UBLCP1: variants seen among roughly 807,000 people sequenced by gnomAD.
UBLCP1 encodes the protein ubiquitin-like domain-containing CTD phosphatase 1.
Under a neutral mutation model 42.4 loss-of-function variants are expected in UBLCP1, and 28 were observed. The observed-to-expected ratio is 0.66, with a 90% CI of 0.49 to 0.90. The LOEUF (loss-of-function observed/expected upper bound fraction) is 0.90. UBLCP1 is among the 40% of genes least tolerant of loss of function. The probability of loss-of-function intolerance (pLI) is 0.00; values close to 1 mark genes in which losing one functional copy is unlikely to be tolerated. For synonymous variants in UBLCP1, 122 were observed against 120.8 expected, an observed-to-expected ratio of 1.01 and a Z score of -0.07; for missense variants, 279 against 374.5, an observed-to-expected ratio of 0.75 and a Z score of 2.10.
intron 2 of UBLCP1, among the ~76,000 whole-genome samples, 177 bp from the exon 3 acceptor site, chr5:159,269,731 C>T (rs566374860): frequency 3.3e-5 from 5 of 152,256 alleles, no homozygotes; most frequent in African/African-American, 1.2e-4. Context: ...TTGACTTCTT[C>T]GTGTCTTAGA....
intron 1 of UBLCP1, among the ~76,000 whole-genome samples, chr5:159,266,281 G>T (rs982318389): frequency 3.9e-5 from 6 of 152,176 alleles, no homozygotes; most frequent in Admixed American, 2.6e-4. Flanking sequence ...TGGAGTAAAA[G>T]TGACTCTTGT....
In UBLCP1 at chr5:159,285,229, CACACACACACACACAAA is replaced by C. The variant is rs1300706487; in HGVS notation, c.*299_*315del. 64 of 262,380 alleles carry C rather than the reference CACACACACACACACAAA, an allele frequency of 2.4e-4. 1 individual carries two copies. The highest frequency in any genetic ancestry group is 2.1e-4 in the Non-Finnish European group (30 of 140,848). The allele number at this position is 262,380 out of a possible 1,614,324, so 16.3% of individuals were successfully genotyped here. A position where few individuals can be genotyped will look rare whatever the true frequency, so the allele number is the denominator to read the frequency against. ...ACACACACACACACACACACACACA[CACACACACACACACAAA>C]GTGGAGAAAAATGTATACTCAACAA... On this transcript the variant is annotated 3_prime_UTR_variant, in exon 11 of 11. Transcript: ENST00000296786.
chr5:159,275,366 G>T, intron 8 of UBLCP1, 120 bp downstream of exon 8: 4 of 465,714 alleles, frequency 8.6e-6, no homozygotes, highest in Non-Finnish European at 1.1e-5. Flanking sequence ...TAAAGTGGTT[G>T]AGTTTTGACA....
chr5:159,281,649 G>A (rs1466615845), intron 9 of UBLCP1, among the ~76,000 whole-genome samples: 1 of 152,062 alleles, frequency 6.6e-6, no homozygotes, highest in South Asian at 2.1e-4. Context: ...AGAACACCTG[G>A]GAAAATTTTC....
chr5:159,282,025 A>G (rs1481502977), intron 9 of UBLCP1, among the ~76,000 whole-genome samples: 2 of 152,182 alleles, frequency 1.3e-5, no homozygotes, highest in Non-Finnish European at 2.9e-5. Flanking sequence ...GAAAAATTCA[A>G]ATGTAAACAG....
intron 10 of UBLCP1, 151 bp from the exon 11 acceptor site, chr5:159,284,753 C>T (rs1476926611): frequency 9.2e-6 from 7 of 759,792 alleles, no homozygotes; most frequent in South Asian, 5.8e-5. Context: ...TAGAACTGTG[C>T]GTGCACATAA....
chr5:159,284,910 C>A lies in UBLCP1; in HGVS notation c.936C>A (p.Leu312=). Residue 312 remains leucine, a synonymous_variant, in exon 11 of 11, where the codon CTC becomes CTA. Coordinates refer to ENST00000296786, the MANE Select transcript of UBLCP1 (RefSeq NM_145049.5). ...TTTATTTTATTTCTTGCAGATATCT[C>A]TCAAAGAAGCAAGGACAGTAGTTAC... ...DLNHKYWERY[L]SKKQGQ The A allele has an allele frequency of 6.2e-7, 1 of 1,612,980 alleles. No individual in the cohort carries two copies. Among genetic ancestry groups the A allele is most frequent in the South Asian group, 1.1e-5 (1 of 91,052 alleles).
chr5:159,276,996 A>G (rs1753547336), intron 8 of UBLCP1, among the ~76,000 whole-genome samples: 2 of 152,176 alleles, frequency 1.3e-5, no homozygotes, highest in South Asian at 4.1e-4. Flanking sequence ...TTTGGGGAAC[A>G]TAGGTGCTTG....
chr5:159,272,161 G>T (rs1205827783), intron 6 of UBLCP1, 40 bp downstream of exon 6: 2 of 1,476,250 alleles, frequency 1.4e-6, no homozygotes, highest in East Asian at 4.5e-5. Context: ...GTGGAAATAG[G>T]TTGTTCCATA....
chr5:159,275,813 C>A (rs1189984230), intron 8 of UBLCP1, among the ~76,000 whole-genome samples: 2 of 152,058 alleles, frequency 1.3e-5, no homozygotes, highest in African/African-American at 4.8e-5. Context: ...GTGTTGATGA[C>A]AGCACAATGT....
At chr5:159,273,293 G>GATTAATATTA (rs1753494175) in intron 6 of UBLCP1, among the ~76,000 whole-genome samples, 1 of 152,160 alleles carries the variant, frequency 6.6e-6, no homozygotes, top group Non-Finnish European at 1.5e-5. Flanking sequence ...TATTAAACTA[G>GATTAATATTA]ACTTATAAAA....
intron 7 of UBLCP1, 51 bp downstream of exon 7, chr5:159,274,673 C>T: frequency 6.5e-7 from 1 of 1,528,168 alleles, no homozygotes; most frequent in South Asian, 1.2e-5. Flanking sequence ...CTGCATTTGT[C>T]TTGTTAAAAG....
At chr5:159,279,458 A>C (rs1753580211) in intron 9 of UBLCP1, among the ~76,000 whole-genome samples, 1 of 152,222 alleles carries the variant, frequency 6.6e-6, no homozygotes, top group East Asian at 1.9e-4. Context: ...TCTCCATTCG[A>C]AGTGGCAGTC....
At position 159,275,176 on chromosome 5, in the gene UBLCP1, A is replaced by G; in HGVS notation, c.614A>G (p.Tyr205Cys). The change falls in exon 8 of 11, where the codon TAT becomes TGT. Residue 205 changes from tyrosine to cysteine, a missense_variant. Coordinates refer to ENST00000296786, the MANE Select transcript of UBLCP1 (RefSeq NM_145049.5). The stretch of plus-strand genomic sequence containing the variant: ...CTGGGAGTGAGCACAAATGCAAATT[A>G]TAAGATTACTTTCATGTTGGATAGT... ...KELGVSTNANYKITFMLDSAA... is the reference protein window; with the variant it reads ...KELGVSTNANCKITFMLDSAA... 1.2e-6 allele frequency: 2 copies of G among 1,613,418 alleles called. No individual in the cohort carries two copies. Among genetic ancestry groups the G allele is most frequent in the Non-Finnish European group, 8.5e-7 (1 of 1,179,808 alleles).
intron 6 of UBLCP1, among the ~76,000 whole-genome samples, chr5:159,273,343 A>G (rs1753494802): frequency 6.6e-6 from 1 of 152,176 alleles, no homozygotes; most frequent in Non-Finnish European, 1.5e-5. Flanking sequence ...AATTATTTTT[A>G]TAAACTGTGA....
chr5:159,268,953 A>T lies in UBLCP1; in HGVS notation c.38A>T (p.Glu13Val). The change falls in exon 2 of 11, where the codon GAG becomes GTG. Residue 13 changes from glutamate to valine, a missense_variant. By Grantham distance (121) the Glu-to-Val change is moderately radical. Coordinates refer to ENST00000296786, the MANE Select transcript of UBLCP1 (RefSeq NM_145049.5). ...LPIIVKWGGQ[E>V]YSVTTLSEDD... ...ATCATTGTAAAATGGGGTGGACAGG[A>T]GTATTCAGTGACCACACTTTCAGAA... The T allele has an allele frequency of 6.2e-7, 1 of 1,612,274 alleles. No homozygotes were observed. The highest frequency in any genetic ancestry group is 8.5e-7 in the Non-Finnish European group (1 of 1,179,328).
rs1052063433 is a variant in UBLCP1, at chr5:159,275,266, C to A, written c.684+20C>A. On this transcript the variant is annotated intron_variant, in intron 8 of 10. Coordinates refer to ENST00000296786, the MANE Select transcript of UBLCP1 (RefSeq NM_145049.5). ...ATAGACGTAAGAAGTCATTTTATTTCTATTTAATGACACCATGGTTATTTT... is the reference window on the plus strand; with the variant it reads ...ATAGACGTAAGAAGTCATTTTATTTATATTTAATGACACCATGGTTATTTT... 3 of 1,568,756 alleles carry A rather than the reference C, an allele frequency of 1.9e-6. No homozygotes were observed. Among genetic ancestry groups the A allele is most frequent in the South Asian group, 1.1e-5 (1 of 90,068 alleles).
intron 8 of UBLCP1, chr5:159,275,479 C>CT: frequency 3.7e-6 from 1 of 269,128 alleles, no homozygotes; most frequent in Non-Finnish European, 6.5e-6. Context: ...GTGGTGCAAT[C>CT]TCGCTCACGC....
intron 10 of UBLCP1, 90 bp from the exon 11 acceptor site, chr5:159,284,814 A>C: frequency 7.3e-7 from 1 of 1,363,216 alleles, no homozygotes; most frequent in Non-Finnish European, 1.0e-6. Context: ...ATGTTTTGTC[A>C]TTAGAACAAA....
Sources: gnomAD v4.1 joint callset for allele counts (sites outside exome capture counted in the v4.1 genomes callset) on GRCh38, gnomAD v4.1.1 for gene constraint, MANE v1.5 for transcripts, NCBI Gene and HGNC (gene_info 2026-07-23, HGNC 2026-07-21) for gene names.